The following ABCG1 variants were observed in gnomAD, a reference collection of about 807,000 sequenced individuals.
ABCG1 encodes the protein ATP-binding cassette sub-family G member 1.
ABCG1 carries 29 observed loss-of-function variants against 69.2 expected under a neutral mutation model. That is an observed-to-expected ratio of 0.42 (90% CI 0.31 to 0.57). ABCG1 has a LOEUF of 0.57. Among genes scored for constraint, ABCG1 ranks in the 20% least tolerant of loss-of-function variants. The pLI, the probability that ABCG1 is intolerant of heterozygous loss-of-function variation, is 0.15. For missense variants in ABCG1, 718 were observed against 898.1 expected, an observed-to-expected ratio of 0.80 and a Z score of 2.56; for synonymous variants, 370 against 374.8, an observed-to-expected ratio of 0.99 and a Z score of 0.15.
At position 42,290,166 on chromosome 21, in the gene ABCG1, C is replaced by T. The variant is rs1214228350; in HGVS notation, c.1341C>T (p.Phe447=). The change falls in exon 11 of 15, where the codon TTC becomes TTT. Residue 447 remains phenylalanine (F), a synonymous_variant. Transcript: ENST00000398449. ...TCTTGAGCAACTCCGGCTTCCTCTTCTTCTCCATGCTGTTCCTCATGTTCG... is the reference window on the plus strand; with the variant it reads ...TCTTGAGCAACTCCGGCTTCCTCTTTTTCTCCATGCTGTTCCTCATGTTCG... ...KKVLSNSGFL[F]FSMLFLMFAA... The T allele has an allele frequency of 6.2e-7, 1 of 1,614,196 alleles. No individual in the cohort carries two copies. The highest frequency in any genetic ancestry group is 8.5e-7 in the Non-Finnish European group (1 of 1,180,036).
At chr21:42,241,021 C>T (rs943340753) in intron 2 of ABCG1, among the ~76,000 whole-genome samples, 2 of 152,388 alleles carry the variant, frequency 1.3e-5, no homozygotes, top group South Asian at 4.1e-4. Flanking sequence ...TGAAGGAATC[C>T]AGGAGGCTTG....
chr21:42,241,170 G>A (rs1275982076), intron 2 of ABCG1, among the ~76,000 whole-genome samples: 1 of 152,260 alleles, frequency 6.6e-6, no homozygotes, highest in African/African-American at 2.4e-5. Context: ...TGCCTGTCAG[G>A]ATTCTGACGG....
At chr21:42,222,105 G>A (rs577524529) in intron 1 of ABCG1, among the ~76,000 whole-genome samples, 2 of 152,294 alleles carry the variant, frequency 1.3e-5, no homozygotes, top group East Asian at 3.9e-4. Context: ...GTGCGGGGGT[G>A]GGGGAAGGTC....
At chr21:42,268,362 G>GGTGTGTGTGTGTGTGT (rs1555957893) in intron 2 of ABCG1, among the ~76,000 whole-genome samples, 271 of 147,700 alleles carry the variant, frequency 1.8e-3, no homozygotes, top group Middle Eastern at 6.8e-3. Context: ...TAGAGGTAGG[G>GGTGTGTGTGTGTGTGT]GTGTGTGTGT....
chr21:42,282,714 C>T (rs534872993), intron 6 of ABCG1, among the ~76,000 whole-genome samples: 195 of 152,358 alleles, frequency 1.3e-3, no homozygotes, highest in African/African-American at 4.3e-3. Flanking sequence ...CCCCGTGGCT[C>T]AGCCACTCTG....
chr21:42,239,253 A>C (rs1032840275), intron 2 of ABCG1, among the ~76,000 whole-genome samples: 7 of 152,260 alleles, frequency 4.6e-5, no homozygotes, highest in Non-Finnish European at 1.0e-4. Context: ...GGAAATATTA[A>C]TAATAAAAAT....
chr21:42,278,088 A>G (rs532577164), intron 5 of ABCG1, among the ~76,000 whole-genome samples: 34 of 152,174 alleles, frequency 2.2e-4, no homozygotes, highest in Non-Finnish European at 4.7e-4. Context: ...TGCTACAGAA[A>G]ATGTTCTGTG....
chr21:42,290,889 T>C (rs540492087), intron 11 of ABCG1, among the ~76,000 whole-genome samples: 31 of 152,246 alleles, frequency 2.0e-4, no homozygotes, highest in Non-Finnish European at 3.8e-4. Flanking sequence ...CCATCCTGAT[T>C]CTCCACTCAA....
intron 5 of ABCG1, among the ~76,000 whole-genome samples, chr21:42,279,362 G>T (rs547044802): frequency 5.3e-5 from 8 of 152,348 alleles, no homozygotes; most frequent in African/African-American, 1.9e-4. Context: ...GAGGCCGGGG[G>T]AGCAGACGCA....
chr21:42,229,738 CAAAA>C lies in ABCG1; in HGVS notation c.286+3825_286+3828del, dbSNP rs572362372. 8.4e-4 allele frequency among the ~76,000 whole-genome samples: 127 copies of C among 151,422 alleles called. 3 individuals are homozygous for C. The highest frequency in any genetic ancestry group is 7.1e-3 in the South Asian group (34 of 4,792). On this transcript the variant is annotated intron_variant, in intron 2 of 14. Transcript: ENST00000398449. Reference sequence around the variant, plus strand: ...CTGTCTCAAAAAAAAAACACAAAAACAAAAGAAAGAAAGAAAGAAAGTGCCTGGT... The same window carrying C: ...CTGTCTCAAAAAAAAAACACAAAAACGAAAGAAAGAAAGAAAGTGCCTGGT...
chr21:42,268,531 C>T (rs951185098), intron 2 of ABCG1, among the ~76,000 whole-genome samples: 3 of 152,136 alleles, frequency 2.0e-5, no homozygotes, highest in African/African-American at 7.2e-5. Context: ...GCAGGGCAGA[C>T]TAATGTTTAC....
chr21:42,222,387 G>T (rs895533319), intron 1 of ABCG1, among the ~76,000 whole-genome samples: 2 of 152,322 alleles, frequency 1.3e-5, no homozygotes, highest in South Asian at 4.1e-4. Flanking sequence ...TCAACTGTAT[G>T]CATTGCTTTG....
At chr21:42,279,159 G>A (rs1228235555) in intron 5 of ABCG1, among the ~76,000 whole-genome samples, 1 of 152,058 alleles carries the variant, frequency 6.6e-6, no homozygotes, top group Non-Finnish European at 1.5e-5. Context: ...CCCTCCAGAT[G>A]CTGGCCTGCA....
At chr21:42,294,456 G>C (rs112179024) in intron 13 of ABCG1, 86 bp from the exon 14 acceptor site, 1 of 1,057,676 alleles carries the variant, frequency 9.5e-7, no homozygotes, top group Non-Finnish European at 1.5e-6. Flanking sequence ...GGCCCTGCCC[G>C]GGGGAAGCTG....
intron 14 of ABCG1, chr21:42,294,947 G>T: frequency 2.7e-6 from 1 of 365,974 alleles, no homozygotes; most frequent in African/African-American, 2.1e-5. Context: ...CGGTGGAAGC[G>T]CTTCCATCTT....
At position 42,219,990 on chromosome 21, in the gene ABCG1, C is replaced by G. The variant is rs565284474; in HGVS notation, c.42+686C>G. 6.6e-5 allele frequency: 103 copies of G among 1,553,222 alleles called. No individual in the cohort carries two copies. The South Asian group carries it at 9.0e-4, about 14-fold the overall frequency. On this transcript the variant is annotated intron_variant, in intron 1 of 14. Coordinates refer to ENST00000398449, the MANE Select transcript of ABCG1 (RefSeq NM_016818.3). This position sits in a 1 kb window ranked among gnomAD's most constrained non-coding sequence, Gnocchi z 5.3. ...GACAGGGATGCGCATTTCACTTCCCCGAGCTCCGGAGAGGGATGGCGGGGT... is the reference window on the plus strand; with the variant it reads ...GACAGGGATGCGCATTTCACTTCCCGGAGCTCCGGAGAGGGATGGCGGGGT...
chr21:42,292,840 ACACAGTACACACTGCACAC>A lies in ABCG1; in HGVS notation c.1653+1189_1653+1207del, dbSNP rs1210535776. 7.7e-3 allele frequency among the ~76,000 whole-genome samples: 1,104 copies of A among 142,640 alleles called. 7 individuals are homozygous for A. The highest frequency in any genetic ancestry group is 0.027 in the South Asian group (116 of 4,368). 93.6% of individuals were successfully genotyped at this position (142,640 alleles called of 152,430 possible). On this transcript the variant is annotated intron_variant, in intron 13 of 14. Coordinates refer to ENST00000398449, the MANE Select transcript of ABCG1 (RefSeq NM_016818.3). ...GTACACACCACACACACTACACACC[ACACAGTACACACTGCACAC>A]CACACTACACACTACCCACCACACA...
intron 1 of ABCG1, among the ~76,000 whole-genome samples, chr21:42,220,374 G>T (rs1259457173): frequency 2.0e-5 from 3 of 152,042 alleles, no homozygotes; most frequent in Non-Finnish European, 4.4e-5. Context: ...AGTCAGCAGG[G>T]CTCAGCAGGA....
rs1047356924 is a variant in ABCG1 at position 42,273,832 on chromosome 21, C to T, written c.537+397C>T. Among the ~76,000 whole-genome samples, 3 of 152,214 alleles carry T rather than the reference C, an allele frequency of 2.0e-5. No individual in the cohort carries two copies. Among genetic ancestry groups the T allele is most frequent in the Non-Finnish European group, 4.4e-5 (3 of 68,044 alleles). On this transcript the variant is annotated intron_variant, in intron 4 of 14. Transcript: ENST00000398449. The surrounding 1 kb of genome is among the most constrained non-coding windows in gnomAD (Gnocchi z 5.3). ...CGTGTCTTTGGCCCAAGCACCCACT[C>T]GCCTGGTGCCTTGGTCAGGATACCA...
Sources: allele counts gnomAD v4.1 joint callset (sites outside exome capture counted in the v4.1 genomes callset), GRCh38; gene constraint gnomAD v4.1.1; non-coding constraint Gnocchi (gnomAD v3.1); transcripts MANE v1.5; gene names NCBI Gene and HGNC (gene_info 2026-07-23, HGNC 2026-07-21).